Variants in GPSM2 observed in about 807,000 individuals in gnomAD.
GPSM2 encodes the protein G protein signaling modulator 2.
A neutral mutation model predicts 78.4 loss-of-function variants in GPSM2; 58 were observed. That is an observed-to-expected ratio of 0.74 (90% CI 0.60 to 0.92). The LOEUF is 0.92. Among genes scored for constraint, GPSM2 ranks in the 40% least tolerant of loss-of-function variants. GPSM2 has a pLI of 0.00. For synonymous variants in GPSM2, 224 were observed against 280.2 expected, an observed-to-expected ratio of 0.80 and a Z score of 2.00; for missense variants, 700 against 815.5, an observed-to-expected ratio of 0.86 and a Z score of 1.73.
chr1:108,880,199 A>T (rs990237518), intron 1 of GPSM2, among the ~76,000 whole-genome samples: 12 of 152,248 alleles, frequency 7.9e-5, no homozygotes, highest in Admixed American at 5.9e-4. Flanking sequence ...AGACAAAATC[A>T]TGTTTAATAT....
At chr1:108,898,427 G>C (rs549215170) in intron 5 of GPSM2, among the ~76,000 whole-genome samples, 17 of 152,162 alleles carry the variant, frequency 1.1e-4, no homozygotes, top group Admixed American at 4.6e-4. Flanking sequence ...CTCTGTGCTT[G>C]ACCCTGGGCA....
intron 14 of GPSM2, chr1:108,924,471 T>G: frequency 4.0e-6 from 2 of 505,498 alleles, no homozygotes; most frequent in East Asian, 3.7e-5. Context: ...AGAGAGTATA[T>G]GTGTGTTGTA....
intron 12 of GPSM2, among the ~76,000 whole-genome samples, chr1:108,920,476 G>C (rs1321280028): frequency 1.3e-5 from 2 of 151,454 alleles, no homozygotes; most frequent in Non-Finnish European, 1.5e-5. Context: ...CTTAAAAAGA[G>C]TAAAATAAAT....
In GPSM2 at chr1:108,932,414, AGTCTTTCCTGAATTGCT is replaced by A. The variant is rs1652151635; in HGVS notation, c.*2478_*2494del. 1 of 152,224 alleles carries A rather than the reference AGTCTTTCCTGAATTGCT, an allele frequency of 6.6e-6. No homozygotes were observed. Among genetic ancestry groups the A allele is most frequent in the Admixed American group, 6.5e-5 (1 of 15,288 alleles). The allele number at this position is 152,224 out of a possible 1,614,324, so 9.4% of individuals were successfully genotyped here. ...TGTGTTCAATTTGCTTTCATATTTA[AGTCTTTCCTGAATTGCT>A]GTCATCATTCAACAACAGTTGCATG... On this transcript the variant is annotated 3_prime_UTR_variant, in exon 15 of 15. Coordinates refer to ENST00000264126, the MANE Select transcript of GPSM2 (RefSeq NM_013296.5).
intron 2 of GPSM2, among the ~76,000 whole-genome samples, chr1:108,892,498 A>AG (rs1276662928): frequency 6.6e-6 from 1 of 152,202 alleles, no homozygotes; most frequent in Non-Finnish European, 1.5e-5. Flanking sequence ...TAAGGATAGT[A>AG]GTACTGTGTC....
chr1:108,884,612 A>G (rs72699210), intron 1 of GPSM2, among the ~76,000 whole-genome samples: 5,286 of 152,284 alleles, frequency 0.035, 104 homozygotes, highest in Middle Eastern at 0.068. Flanking sequence ...TTTAGAAATC[A>G]CCTTAGAGGG....
At chr1:108,882,104 A>G (rs1033840208) in intron 1 of GPSM2, among the ~76,000 whole-genome samples, 3 of 152,098 alleles carry the variant, frequency 2.0e-5, no homozygotes, top group African/African-American at 7.2e-5. Context: ...GTCACAGGCC[A>G]CCACACCTGG....
intron 1 of GPSM2, among the ~76,000 whole-genome samples, chr1:108,882,354 G>A (rs373462885): frequency 3.9e-5 from 6 of 152,122 alleles, no homozygotes; most frequent in Non-Finnish European, 7.3e-5. Flanking sequence ...ATATAACATG[G>A]TATAGTATTT....
Position 108,879,877 on chromosome 1 carries a change from G to A in GPSM2, c.-249+2649G>A, listed in dbSNP as rs144208039. ...TGCCACATGTTCAGAGTCCCTCACA[G>A]TTTGTTACTGTTCTACCTTCTCAGC... On this transcript the variant is annotated intron_variant, in intron 1 of 14. Transcript: ENST00000264126. Among the ~76,000 whole-genome samples the A allele has an allele frequency of 5.3e-3, 803 of 152,266 alleles. 9 individuals are homozygous for A. Among genetic ancestry groups the A allele is most frequent in the African/African-American group, 0.018 (766 of 41,548 alleles).
At position 108,917,611 on chromosome 1, in the gene GPSM2, CATATATATATATATATATATAT is replaced by C. The variant is rs55909258; in HGVS notation, c.1264-968_1264-947del. Among the ~76,000 whole-genome samples the C allele has an allele frequency of 7.9e-3, 180 of 22,724 alleles. 11 individuals carry two copies. Among genetic ancestry groups the C allele is most frequent in the Admixed American group, 0.047 (76 of 1,606 alleles). The allele number at this position is 22,724 out of a possible 152,430, so 14.9% of individuals were successfully genotyped here. A position where few individuals can be genotyped will look rare whatever the true frequency, so the allele number is the denominator to read the frequency against. On this transcript the variant is annotated intron_variant, in intron 11 of 14. Transcript: ENST00000264126. ...ACAAATGTATACACACACACACACA[CATATATATATATATATATATAT>C]ATATATATATATATATATATATATA...
Position 108,877,036 on chromosome 1 carries a change from G to C in GPSM2, c.-441G>C, listed in dbSNP as rs886045022. On this transcript the variant is annotated 5_prime_UTR_variant, in exon 1 of 15. Coordinates refer to ENST00000264126, the MANE Select transcript of GPSM2 (RefSeq NM_013296.5). Reference sequence around the variant, plus strand: ...CGGAGCGGCGGGACCCCTAGGTGGCGGAGGGACGCTCCGGGAAAGCGAGGG... The same window carrying C: ...CGGAGCGGCGGGACCCCTAGGTGGCCGAGGGACGCTCCGGGAAAGCGAGGG... 3 of 152,340 alleles carry C rather than the reference G, an allele frequency of 2.0e-5. No individual in the cohort carries two copies. The highest frequency in any genetic ancestry group is 2.9e-5 in the Non-Finnish European group (2 of 68,142). The allele number at this position is 152,340 out of a possible 1,614,324, so 9.4% of individuals were successfully genotyped here.
chr1:108,892,329 A>G (rs932906858), intron 2 of GPSM2, among the ~76,000 whole-genome samples: 6 of 152,224 alleles, frequency 3.9e-5, no homozygotes, highest in Admixed American at 2.6e-4. Context: ...ACACGAAACA[A>G]ATTTAAGGAG....
At chr1:108,895,888 A>C (rs542402004) in intron 2 of GPSM2, among the ~76,000 whole-genome samples, 2 of 152,242 alleles carry the variant, frequency 1.3e-5, no homozygotes, top group African/African-American at 4.8e-5. Flanking sequence ...TAGAATATAC[A>C]TATAAGTATC....
intron 2 of GPSM2, among the ~76,000 whole-genome samples, chr1:108,894,526 T>G (rs1376284199): frequency 6.6e-6 from 1 of 152,148 alleles, no homozygotes. Context: ...GGCAAAACCC[T>G]GTCTCTACTA....
intron 4 of GPSM2, 73 bp from the exon 5 acceptor site, chr1:108,897,886 G>A (rs1648494674): frequency 6.8e-7 from 1 of 1,476,642 alleles, no homozygotes; most frequent in South Asian, 1.2e-5. Flanking sequence ...GTAATACTAA[G>A]GATATTACAA....
Position 108,885,457 on chromosome 1 carries a change from A to G in GPSM2, c.-66A>G, listed in dbSNP as rs1647457361. 2 of 896,120 alleles carry G rather than the reference A, an allele frequency of 2.2e-6. No individual in the cohort carries two copies. Among genetic ancestry groups the G allele is most frequent in the Non-Finnish European group, 3.7e-6 (2 of 536,768 alleles). 55.5% of individuals were successfully genotyped at this position (896,120 alleles called of 1,614,324 possible). A position where few individuals can be genotyped will look rare whatever the true frequency, so the allele number is the denominator to read the frequency against. Reference sequence around the variant, plus strand: ...GACAATGTTCTACAAACAATTCTACATTGTAAAGGACTGGATTGGCACAAA... The same window carrying G: ...GACAATGTTCTACAAACAATTCTACGTTGTAAAGGACTGGATTGGCACAAA... On this transcript the variant is annotated 5_prime_UTR_variant, in exon 2 of 15. Coordinates refer to ENST00000264126, the MANE Select transcript of GPSM2 (RefSeq NM_013296.5).
chr1:108,897,774 A>T, intron 4 of GPSM2, 147 bp downstream of exon 4: 1 of 956,056 alleles, frequency 1.0e-6, no homozygotes. Flanking sequence ...AAGAAAAAAA[A>T]TTTAATGGAG....
chr1:108,901,731 T>C (rs1648840293), intron 7 of GPSM2, 59 bp from the exon 8 acceptor site: 1 of 1,312,944 alleles, frequency 7.6e-7, no homozygotes, highest in African/African-American at 1.4e-5. Context: ...TTTTGTTTTG[T>C]GATTCTTAAA....
chr1:108,919,007 TTTTTC>T (rs1650491421), intron 12 of GPSM2, among the ~76,000 whole-genome samples: 1 of 152,084 alleles, frequency 6.6e-6, no homozygotes, highest in South Asian at 2.1e-4. Flanking sequence ...TAATTATTTC[TTTTTC>T]TTTTTTTTTT....
Sources: allele counts gnomAD v4.1 joint callset (sites outside exome capture counted in the v4.1 genomes callset), GRCh38; gene constraint gnomAD v4.1.1; transcripts MANE v1.5; gene names NCBI Gene and HGNC (gene_info 2026-07-23, HGNC 2026-07-21).